CD300LG: variants seen among roughly 807,000 people sequenced by gnomAD.
CD300LG encodes the protein CD300 molecule like family member g, also known as CMRF35-like molecule 9.
A neutral mutation model predicts 31.5 loss-of-function variants in CD300LG; 29 were observed. That is an observed-to-expected ratio of 0.92 (90% CI 0.68 to 1.25). The LOEUF (loss-of-function observed/expected upper bound fraction) is 1.25. Ranked by LOEUF, CD300LG falls within the 50% of genes most tolerant of loss-of-function variation. CD300LG has a pLI of 0.00. For missense variants in CD300LG, 396 were observed against 417.6 expected (o/e 0.95, Z 0.45); for synonymous variants, 175 against 177.2 (o/e 0.99, Z 0.10).
At chr17:43,849,806 C>T (rs905717267) in intron 2 of CD300LG, 2 of 152,178 alleles carry the variant, frequency 1.3e-5, no homozygotes, top group African/African-American at 4.8e-5. Context: ...GGGACCTATC[C>T]CAATCCCAGG....
intron 6 of CD300LG, chr17:43,857,903 G>T (rs116794877): frequency 2.4e-4 from 376 of 1,536,498 alleles, no homozygotes; most frequent in Non-Finnish European, 3.2e-4. Flanking sequence ...GAGAATAAGG[G>T]TCCCTGTGCC....
At chr17:43,857,921 T>A (rs2046571778) in intron 6 of CD300LG, 6 of 1,535,256 alleles carry the variant, frequency 3.9e-6, no homozygotes, top group Non-Finnish European at 5.2e-6. Context: ...GCCCATTGTC[T>A]GGAGCTGGGA....
chr17:43,859,743 C>T (rs2046615268), intron 6 of CD300LG, among the ~76,000 whole-genome samples: 1 of 152,170 alleles, frequency 6.6e-6, no homozygotes, highest in African/African-American at 2.4e-5. Context: ...GGGACAAGGG[C>T]CCTAAGTGGC....
Position 43,848,790 on chromosome 17 carries a change from G to A in CD300LG, c.276G>A (p.Val92=). The change falls in exon 2 of 7, where the codon GTG becomes GTA. Residue 92 remains valine (V), a synonymous_variant. Transcript: ENST00000317310. ...GCCGCCAGGAGCTCTCGCTCATTGT[G>A]ACCCTGTGGAACCTCACCCTGCAAG... ...RDSRQELSLI[V]TLWNLTLQDA... The A allele has an allele frequency of 6.2e-7, 1 of 1,614,172 alleles. No individual in the cohort carries two copies. Among genetic ancestry groups the A allele is most frequent in the East Asian group, 2.2e-5 (1 of 44,876 alleles).
chr17:43,854,116 A>G (rs2046442906), intron 4 of CD300LG, 72 bp downstream of exon 4: 2 of 1,108,342 alleles, frequency 1.8e-6, no homozygotes, highest in Non-Finnish European at 1.3e-6. Context: ...GAAAATAGGA[A>G]CTCAACACTC....
chr17:43,852,798 A>G, intron 2 of CD300LG, 114 bp from the exon 3 acceptor site: 1 of 724,788 alleles, frequency 1.4e-6, no homozygotes, highest in Non-Finnish European at 2.2e-6. Flanking sequence ...GAGGCGAAAG[A>G]TGGCAGTGCT....
At chr17:43,847,385 G>A (rs1014608634) in intron 1 of CD300LG, 126 bp downstream of exon 1, 4 of 957,678 alleles carry the variant, frequency 4.2e-6, no homozygotes, top group East Asian at 3.2e-5. Flanking sequence ...CTAGGGGAGC[G>A]GGGCGGGCTG....
chr17:43,859,479 A>T (rs1436495252), intron 6 of CD300LG, among the ~76,000 whole-genome samples: 1 of 152,166 alleles, frequency 6.6e-6, no homozygotes, highest in Non-Finnish European at 1.5e-5. Context: ...GACTTGCGAT[A>T]GTGGGCCTGG....
rs942475917 is a variant in CD300LG at position 43,857,019 on chromosome 17, G to C, written c.833-85G>C. ...AGCCCCTGCTCCCGTGTGCAAGGGG[G>C]CCAGTCCACCTTTCTGGGAGCAGCT... On this transcript the variant is annotated intron_variant, in intron 5 of 6. Transcript: ENST00000317310. 1.9e-5 allele frequency: 27 copies of C among 1,386,018 alleles called. No individual in the cohort carries two copies. The South Asian group carries it at 2.7e-4, about 14-fold the overall frequency. 85.9% of individuals were successfully genotyped at this position (1,386,018 alleles called of 1,614,324 possible). A position where few individuals can be genotyped will look rare whatever the true frequency, so the allele number is the denominator to read the frequency against.
chr17:43,848,792 C>T lies in CD300LG; in HGVS notation c.278C>T (p.Thr93Ile). ...CGCCAGGAGCTCTCGCTCATTGTGA[C>T]CCTGTGGAACCTCACCCTGCAAGAC... is the stretch of plus-strand genomic sequence containing the variant. ...DSRQELSLIVTLWNLTLQDAG... is the reference protein window; with the variant it reads ...DSRQELSLIVILWNLTLQDAG... Residue 93 changes from threonine to isoleucine, a missense_variant, in exon 2 of 7, where the codon ACC (threonine) becomes ATC (isoleucine). Transcript: ENST00000317310. 3 of 1,614,136 alleles carry T rather than the reference C, an allele frequency of 1.9e-6. No homozygotes were observed. The highest frequency in any genetic ancestry group is 1.7e-6 in the Non-Finnish European group (2 of 1,180,036).
Position 43,862,100 on chromosome 17 carries a change from C to A in CD300LG, c.*189C>A, listed in dbSNP as rs375167966. 7.4e-5 allele frequency: 35 copies of A among 470,240 alleles called. No individual in the cohort carries two copies. The East Asian group carries it at 1.3e-3, about 17-fold the overall frequency. The allele number at this position is 470,240 out of a possible 1,614,324, so 29.1% of individuals were successfully genotyped here. A position where few individuals can be genotyped will look rare whatever the true frequency, so the allele number is the denominator to read the frequency against. The stretch of plus-strand genomic sequence containing the variant: ...TAGAAGCGTTTGTCAGCCCTGGAGC[C>A]CAGAGCGGTGGCCTTGCTCTTCCGG... On this transcript the variant is annotated 3_prime_UTR_variant, in exon 7 of 7. Transcript: ENST00000317310.
Position 43,861,880 on chromosome 17 carries a change from A to C in CD300LG, c.968A>C (p.Glu323Ala), listed in dbSNP as rs1190700106. Residue 323 changes from glutamate (E) to alanine (A), a missense_variant, in exon 7 of 7, where the codon GAG becomes GCG. Physicochemically the swap from Glu to Ala is moderately radical, Grantham distance 107. Transcript: ENST00000317310. ...SMPPLHTSEE[E>A]LGFSKFVSA is the part of the protein sequence containing the mutation. Reference sequence around the variant, plus strand: ...CCTCCCCTCCACACATCTGAGGAGGAGCTGGGCTTCTCGAAGTTTGTCTCA... The same window carrying C: ...CCTCCCCTCCACACATCTGAGGAGGCGCTGGGCTTCTCGAAGTTTGTCTCA... 1 of 1,611,788 alleles carries C rather than the reference A, an allele frequency of 6.2e-7. No homozygotes were observed. Among genetic ancestry groups the C allele is most frequent in the Non-Finnish European group, 8.5e-7 (1 of 1,179,136 alleles).
Position 43,852,965 on chromosome 17 carries a change from C to G in CD300LG, c.433C>G (p.Arg145Gly). The G allele has an allele frequency of 6.2e-7, 1 of 1,612,666 alleles. No individual in the cohort carries two copies. Among genetic ancestry groups the G allele is most frequent in the Non-Finnish European group, 8.5e-7 (1 of 1,179,380 alleles). ...SPTFQPLATTRLQPKAKAQQT... is the reference protein window; with the variant it reads ...SPTFQPLATTGLQPKAKAQQT... Reference sequence around the variant, plus strand: ...CACCTTCCAGCCTCTGGCTACAACACGCCTGCAGCCCAAGGCAAAAGCTCA... The same window carrying G: ...CACCTTCCAGCCTCTGGCTACAACAGGCCTGCAGCCCAAGGCAAAAGCTCA... Residue 145 changes from arginine to glycine, a missense_variant, in exon 3 of 7, where the codon CGC (arginine) becomes GGC (glycine). Physicochemically the swap from Arg to Gly is moderately radical, Grantham distance 125. Transcript: ENST00000317310.
intron 6 of CD300LG, 35 bp downstream of exon 6, chr17:43,857,191 A>G: frequency 6.2e-7 from 1 of 1,610,324 alleles, no homozygotes; most frequent in Non-Finnish European, 8.5e-7. Flanking sequence ...CCAAGCTCAG[A>G]TCCCCTTGGG....
chr17:43,847,772 TACAA>T (rs145457270), intron 1 of CD300LG, among the ~76,000 whole-genome samples: 1,544 of 152,102 alleles, frequency 0.01, 26 homozygotes, highest in African/African-American at 0.031. Flanking sequence ...ACCCCATCTC[TACAA>T]ACAAACAAAC....
intron 6 of CD300LG, chr17:43,858,629 G>T (rs2046590608): frequency 1.0e-6 from 1 of 985,304 alleles, no homozygotes; most frequent in Non-Finnish European, 1.2e-6. Context: ...AGGGTCAGAG[G>T]CAAGAACCCT....
At chr17:43,851,039 G>A (rs1302282843) in intron 2 of CD300LG, among the ~76,000 whole-genome samples, 1 of 150,344 alleles carries the variant, frequency 6.7e-6, no homozygotes, top group African/African-American at 2.5e-5. Context: ...GGAGGCTGAG[G>A]CAGAGAATTG....
chr17:43,861,433 G>A (rs988188612), intron 6 of CD300LG, among the ~76,000 whole-genome samples: 1 of 152,156 alleles, frequency 6.6e-6, no homozygotes, highest in Non-Finnish European at 1.5e-5. Flanking sequence ...TTTCACCTGG[G>A]AAGCCAGAGC....
In CD300LG at chr17:43,853,781, C is replaced by CTGAGGCAT. The variant is rs746235278; in HGVS notation, c.482-23_482-16dup. 2.0e-5 allele frequency: 32 copies of CTGAGGCAT among 1,579,876 alleles called. No individual in the cohort carries two copies. In the East Asian group the frequency reaches 6.5e-4, roughly 32 times the overall value. On this transcript the variant is annotated intron_variant, in intron 3 of 6. Coordinates refer to ENST00000317310, the MANE Select transcript of CD300LG (RefSeq NM_145273.4). The stretch of plus-strand genomic sequence containing the variant: ...TGGGATGCAAGGGTCAGGAAGGATG[C>CTGAGGCAT]TGAGGCATTGCTTTTGGACTTGTAG...
Sources: allele counts gnomAD v4.1 joint callset (sites outside exome capture counted in the v4.1 genomes callset), GRCh38; gene constraint gnomAD v4.1.1; transcripts MANE v1.5; gene names NCBI Gene and HGNC (gene_info 2026-07-23, HGNC 2026-07-21).